CACNA2D4: variants seen among roughly 807,000 people sequenced by gnomAD.
The protein encoded by CACNA2D4 is calcium voltage-gated channel auxiliary subunit alpha2delta 4, also known as voltage-dependent calcium channel subunit alpha-2/delta-4.
Under a neutral mutation model 163.8 loss-of-function variants are expected in CACNA2D4, and 157 were observed. The ratio of observed to expected loss-of-function variants is 0.96; its 90% CI spans 0.84 to 1.09. CACNA2D4 has a LOEUF of 1.09. Among genes scored for constraint, CACNA2D4 ranks in the 50% least tolerant of loss-of-function variants. The pLI is 0.00. For missense variants in CACNA2D4, 1,410 were observed against 1,479.9 expected, an observed-to-expected ratio of 0.95 and a Z score of 0.78; for synonymous variants, 598 against 586.9, an observed-to-expected ratio of 1.02 and a Z score of -0.27.
chr12:1,902,525 G>A (rs1866561886), intron 6 of CACNA2D4, among the ~76,000 whole-genome samples: 1 of 151,854 alleles, frequency 6.6e-6, no homozygotes, highest in Non-Finnish European at 1.5e-5. Context: ...AGTTTCAGGA[G>A]ACAAAGTCAA....
At chr12:1,866,848 G>C (rs1314887112) in intron 18 of CACNA2D4, among the ~76,000 whole-genome samples, 1 of 150,816 alleles carries the variant, frequency 6.6e-6, no homozygotes, top group Non-Finnish European at 1.5e-5. Context: ...GTCCAGGCTG[G>C]TCACGAACTC....
intron 23 of CACNA2D4, among the ~76,000 whole-genome samples, chr12:1,847,900 A>T (rs1401578977): frequency 3.3e-5 from 5 of 151,546 alleles, no homozygotes; most frequent in African/African-American, 7.3e-5. Context: ...ATTACACCTT[A>T]AAAAAACCTG....
At chr12:1,851,676 T>TGTGTGTGC (rs1332982301) in intron 23 of CACNA2D4, among the ~76,000 whole-genome samples, 1 of 53,238 alleles carries the variant, frequency 1.9e-5, no homozygotes, top group African/African-American at 6.7e-5. Context: ...TGTGTGTGTG[T>TGTGTGTGC]GCGTTTTTTT....
intron 6 of CACNA2D4, among the ~76,000 whole-genome samples, chr12:1,887,696 T>C (rs1033786451): frequency 2.0e-5 from 3 of 152,156 alleles, no homozygotes; most frequent in African/African-American, 7.2e-5. Context: ...ATCCACCTAA[T>C]AAAAAAATTT....
At chr12:1,822,413 T>A (rs1036082823) in intron 26 of CACNA2D4, among the ~76,000 whole-genome samples, 1 of 152,060 alleles carries the variant, frequency 6.6e-6, no homozygotes, top group South Asian at 2.1e-4. Context: ...TTCCTCCTTT[T>A]TCCCCCAGCC....
chr12:1,879,803 C>A lies in CACNA2D4; in HGVS notation c.1563+1G>T. 1.3e-6 allele frequency: 2 copies of A among 1,596,230 alleles called. No individual in the cohort carries two copies. The highest frequency in any genetic ancestry group is 1.7e-6 in the Non-Finnish European group (2 of 1,171,130). On this transcript the variant is annotated splice_donor_variant, in intron 14 of 37. Transcript: ENST00000382722. LOFTEE classifies it high-confidence loss of function. ...CAACGTCTCCAGGAGCGGCCACTCA[C>A]CGTTTCGTTCTTCTTGCTGAAGACT...
rs1180639878 is a variant in CACNA2D4, at chr12:1,884,099, G to C, written c.1351+144C>G. 1.5e-5 allele frequency: 9 copies of C among 604,396 alleles called. No individual in the cohort carries two copies. The South Asian group carries it at 1.7e-4, about 11-fold the overall frequency. 37.4% of individuals were successfully genotyped at this position (604,396 alleles called of 1,614,324 possible). A position where few individuals can be genotyped will look rare whatever the true frequency, so the allele number is the denominator to read the frequency against. On this transcript the variant is annotated intron_variant, in intron 12 of 37. Coordinates refer to ENST00000382722, the MANE Select transcript of CACNA2D4 (RefSeq NM_172364.5). ...CCTTGCTTTTTCCAAATATGAAGGA[G>C]GGACTGAGGCTGCTGTTCTTGACAT... is the stretch of plus-strand genomic sequence containing the variant.
chr12:1,803,920 G>A (rs1224948309), intron 29 of CACNA2D4, among the ~76,000 whole-genome samples: 1 of 152,198 alleles, frequency 6.6e-6, no homozygotes, highest in Non-Finnish European at 1.5e-5. Context: ...AGCCCTGGCA[G>A]GCTGCATGAA....
intron 18 of CACNA2D4, 107 bp from the exon 19 acceptor site, chr12:1,860,313 C>T: frequency 1.3e-6 from 1 of 786,422 alleles, no homozygotes; most frequent in Non-Finnish European, 2.2e-6. Context: ...TACAGTCCCT[C>T]CGCCTTCTTG....
chr12:1,858,525 A>T, intron 20 of CACNA2D4, 52 bp downstream of exon 20: 1 of 1,542,728 alleles, frequency 6.5e-7, no homozygotes, highest in South Asian at 1.1e-5. Context: ...GTGTCCCATG[A>T]GAGCCCATTA....
At chr12:1,795,250 G>A (rs1863079179) in intron 37 of CACNA2D4, 49 bp downstream of exon 37, 2 of 1,548,572 alleles carry the variant, frequency 1.3e-6, no homozygotes, top group African/African-American at 1.4e-5. Context: ...AGGCACAGAG[G>A]GTTTGGGGAT....
chr12:1,793,122 G>C lies in CACNA2D4; in HGVS notation c.*533C>G, dbSNP rs1396474501. 1 of 154,124 alleles carries C rather than the reference G, an allele frequency of 6.5e-6. No homozygotes were observed. Among genetic ancestry groups the C allele is most frequent in the African/African-American group, 2.4e-5 (1 of 41,444 alleles). 9.5% of individuals were successfully genotyped at this position (154,124 alleles called of 1,614,324 possible). On this transcript the variant is annotated 3_prime_UTR_variant, in exon 38 of 38. Coordinates refer to ENST00000382722, the MANE Select transcript of CACNA2D4 (RefSeq NM_172364.5). ...CGAGCAGCAGCTAGGAAGGTGAGTG[G>C]CCTCCCACCATGAGCCTCACTTTGG...
intron 25 of CACNA2D4, among the ~76,000 whole-genome samples, chr12:1,842,606 T>G (rs1865051291): frequency 6.6e-6 from 1 of 151,954 alleles, no homozygotes; most frequent in Admixed American, 6.6e-5. Flanking sequence ...TGGCTCAGCT[T>G]CTCACCCACC....
chr12:1,810,734 T>G (rs1338039003), intron 27 of CACNA2D4, 147 bp from the exon 28 acceptor site: 4 of 785,878 alleles, frequency 5.1e-6, no homozygotes, highest in Non-Finnish European at 8.6e-6. Flanking sequence ...GGCACCTGTG[T>G]GGGGTGTGGG....
intron 26 of CACNA2D4, chr12:1,831,378 C>T (rs1475760275): frequency 2.5e-6 from 4 of 1,614,088 alleles, no homozygotes; most frequent in East Asian, 4.5e-5. Context: ...CTCCCTCTCG[C>T]TTCGCTCCAA....
chr12:1,880,241 A>G (rs1281668678), intron 13 of CACNA2D4, among the ~76,000 whole-genome samples: 1 of 152,256 alleles, frequency 6.6e-6, no homozygotes, highest in East Asian at 1.9e-4. Flanking sequence ...GCCCAGAAAC[A>G]GAGAGGCTTT....
At position 1,875,406 on chromosome 12, in the gene CACNA2D4, C is replaced by T. The variant is rs1448141296; in HGVS notation, c.1720-69G>A. On this transcript the variant is annotated intron_variant, in intron 16 of 37. Transcript: ENST00000382722. This position sits in a 1 kb window ranked among gnomAD's most constrained non-coding sequence, Gnocchi z 4.0. ...GTCCTGCTCAAGTTTATCTCTTCTA[C>T]AAAGCCTTTCAGGTATATTCATAAA... 7 of 967,756 alleles carry T rather than the reference C, an allele frequency of 7.2e-6. No homozygotes were observed. Among genetic ancestry groups the T allele is most frequent in the African/African-American group, 1.6e-5 (1 of 62,518 alleles). The allele number at this position is 967,756 out of a possible 1,614,324, so 59.9% of individuals were successfully genotyped here.
At position 1,858,603 on chromosome 12, in the gene CACNA2D4, AGGATGTATTCTCCGT is replaced by A; in HGVS notation, c.1967_1981del (p.His656_Ile660del). The A allele has an allele frequency of 3.7e-6, 6 of 1,613,212 alleles. No homozygotes were observed. The highest frequency in any genetic ancestry group is 5.1e-6 in the Non-Finnish European group (6 of 1,179,488). On this transcript the variant is annotated inframe_deletion, in exon 20 of 38. Transcript: ENST00000382722. Reference sequence around the variant, plus strand: ...TTCTTCCACAGACGTGTTCCCCAGAAGGATGTATTCTCCGTGGCCCCGGGACAGCACCACCCCCAA... The same window carrying A: ...TTCTTCCACAGACGTGTTCCCCAGAAGGCCCCGGGACAGCACCACCCCCAA...
chr12:1,827,810 G>A (rs1864409642), intron 26 of CACNA2D4: 2 of 306,324 alleles, frequency 6.5e-6, no homozygotes, highest in South Asian at 3.1e-4. Flanking sequence ...AGGCAGATGA[G>A]GCTGGGTAGG....
Sources: gnomAD v4.1 joint callset for allele counts (sites outside exome capture counted in the v4.1 genomes callset) on GRCh38, gnomAD v4.1.1 for gene constraint, Gnocchi (gnomAD v3.1) non-coding constraint, MANE v1.5 for transcripts, NCBI Gene and HGNC (gene_info 2026-07-23, HGNC 2026-07-21) for gene names.